The following KCNK2 variants were observed in gnomAD, a reference collection of about 807,000 sequenced individuals.
KCNK2 encodes the protein potassium two pore domain channel subfamily K member 2, also known as potassium channel subfamily K member 2.
In KCNK2, 21 loss-of-function variants were observed where a neutral mutation model predicts 40.5. The ratio of observed to expected loss-of-function variants is 0.52; its 90% CI spans 0.37 to 0.75. The LOEUF is 0.75. Among genes scored for constraint, KCNK2 ranks in the 30% least tolerant of loss-of-function variants. The pLI, the probability that KCNK2 is intolerant of heterozygous loss-of-function variation, is 0.00. For missense variants in KCNK2, 399 were observed against 531.6 expected (o/e 0.75, Z 2.45); for synonymous variants, 191 against 202.2 (o/e 0.94, Z 0.47).
chr1:215,090,017 G>T (rs1659625859), intron 2 of KCNK2, among the ~76,000 whole-genome samples: 1 of 151,854 alleles, frequency 6.6e-6, no homozygotes, highest in East Asian at 1.9e-4. Context: ...GTAGAGACGG[G>T]GTTTCTCCGT....
intron 3 of KCNK2, among the ~76,000 whole-genome samples, chr1:215,145,837 A>G (rs879900992): frequency 1.3e-5 from 2 of 152,128 alleles, no homozygotes; most frequent in Non-Finnish European, 2.9e-5. Flanking sequence ...AAGTTACTCA[A>G]ATTTTGTGCT....
intron 2 of KCNK2, among the ~76,000 whole-genome samples, chr1:215,103,803 G>C: frequency 6.6e-6 from 1 of 151,896 alleles, no homozygotes; most frequent in East Asian, 1.9e-4. Context: ...TCAAAACCTC[G>C]CAATCATATT....
intron 3 of KCNK2, among the ~76,000 whole-genome samples, chr1:215,164,731 G>A (rs1001869830): frequency 5.3e-5 from 8 of 152,114 alleles, no homozygotes; most frequent in African/African-American, 1.4e-4. Flanking sequence ...CACTTATCGT[G>A]TGCAGCATGT....
At chr1:215,018,141 A>G (rs1656658831) in intron 1 of KCNK2, among the ~76,000 whole-genome samples, 1 of 152,156 alleles carries the variant, frequency 6.6e-6, no homozygotes, top group Non-Finnish European at 1.5e-5. Context: ...AGCTATGTCC[A>G]ATATAAAGGT....
intron 1 of KCNK2, among the ~76,000 whole-genome samples, chr1:215,036,417 A>G (rs747787280): frequency 6.6e-6 from 1 of 151,884 alleles, no homozygotes; most frequent in African/African-American, 2.4e-5. Flanking sequence ...TTACATCAGC[A>G]TGGCCCCATC....
At chr1:215,012,221 A>G (rs1022337451) in intron 1 of KCNK2, among the ~76,000 whole-genome samples, 1 of 152,152 alleles carries the variant, frequency 6.6e-6, no homozygotes, top group Non-Finnish European at 1.5e-5. Flanking sequence ...ATAAGAAATT[A>G]CCAAACCGTT....
rs370741232 is a variant in KCNK2 at position 215,008,656 on chromosome 1, G to A, written c.34+2701G>A. On this transcript the variant is annotated intron_variant, in intron 1 of 6. Coordinates refer to the KCNK2 transcript ENST00000391895. ...TAAGCATGCGATAAGATGGTTAAAC[G>A]ACATGGGCTTTAGAGACCTTTCTAA... is the stretch of plus-strand genomic sequence containing the variant. 8.6e-4 allele frequency among the ~76,000 whole-genome samples: 131 copies of A among 152,212 alleles called. 4 individuals carry two copies. The South Asian group carries it at 0.026, about 30-fold the overall frequency.
chr1:215,054,666 T>C (rs1302814078), intron 1 of KCNK2, among the ~76,000 whole-genome samples: 1 of 152,114 alleles, frequency 6.6e-6, no homozygotes, highest in Non-Finnish European at 1.5e-5. Flanking sequence ...TATTTTTCTA[T>C]AAATAACAAG....
intron 6 of KCNK2, among the ~76,000 whole-genome samples, chr1:215,225,858 A>G (rs143886041): frequency 6.6e-6 from 1 of 152,302 alleles, no homozygotes; most frequent in East Asian, 1.9e-4. Flanking sequence ...AAGAAACAGA[A>G]CAATGGTCCT....
rs756928630 is a variant in KCNK2 at position 215,086,712 on chromosome 1, C to A, written c.357+34C>A. On this transcript the variant is annotated intron_variant, in intron 2 of 6. Coordinates refer to ENST00000444842, the MANE Select transcript of KCNK2 (RefSeq NM_001017425.3). ...ATGGGAGGAGTTGTTACTCTGTTCC[C>A]CCAAATGGGAAATAAAGTGATAGGA... 4.4e-6 allele frequency: 7 copies of A among 1,575,814 alleles called. No homozygotes were observed. In the East Asian group the frequency reaches 1.1e-4, roughly 25 times the overall value.
chr1:215,152,285 G>A (rs1662719133), intron 3 of KCNK2, among the ~76,000 whole-genome samples: 1 of 152,068 alleles, frequency 6.6e-6, no homozygotes, highest in South Asian at 2.1e-4. Flanking sequence ...GAGAAAATGA[G>A]ACATATGGCA....
At chr1:215,183,599 T>C (rs1197217232) in intron 5 of KCNK2, among the ~76,000 whole-genome samples, 1 of 152,188 alleles carries the variant, frequency 6.6e-6, no homozygotes, top group Non-Finnish European at 1.5e-5. Flanking sequence ...CTAACTCCAA[T>C]TTTAAGTAAA....
At chr1:215,058,988 C>A (rs1658261735) in intron 1 of KCNK2, among the ~76,000 whole-genome samples, 1 of 151,870 alleles carries the variant, frequency 6.6e-6, no homozygotes, top group Admixed American at 6.6e-5. Context: ...TACATGAGCT[C>A]TTCTCACTTG....
At chr1:215,143,484 G>A (rs1323144251) in intron 3 of KCNK2, among the ~76,000 whole-genome samples, 1 of 152,180 alleles carries the variant, frequency 6.6e-6, no homozygotes, top group Non-Finnish European at 1.5e-5. Flanking sequence ...CATGTGGTAT[G>A]TGCCAGGTTT....
Position 215,083,349 on chromosome 1 carries a change from G to A in KCNK2, c.-37G>A, listed in dbSNP as rs1224864433. On this transcript the variant is annotated 5_prime_UTR_variant, in exon 1 of 7. Transcript: ENST00000444842. The stretch of plus-strand genomic sequence containing the variant: ...GTTTGTAAAAAAAAGCTTCAAGTCC[G>A]TCTTTTTCAAAAAACATTTTGAATG... 3.7e-6 allele frequency: 6 copies of A among 1,614,066 alleles called. No individual in the cohort carries two copies. Among genetic ancestry groups the A allele is most frequent in the Middle Eastern group, 3.3e-4 (2 of 6,062 alleles).
intron 1 of KCNK2, among the ~76,000 whole-genome samples, chr1:215,012,894 G>T (rs10429947): frequency 6.6e-6 from 1 of 151,714 alleles, no homozygotes; most frequent in Non-Finnish European, 1.5e-5. Flanking sequence ...AACAATTGAT[G>T]AACTTTTTTC....
chr1:215,122,693 A>G (rs539251176), intron 2 of KCNK2, among the ~76,000 whole-genome samples: 38 of 151,932 alleles, frequency 2.5e-4, no homozygotes, highest in African/African-American at 8.4e-4. Context: ...CAACCTTCTA[A>G]GATACTTATT....
intron 1 of KCNK2, among the ~76,000 whole-genome samples, chr1:215,019,907 G>A (rs1452611): frequency 0.85 from 129,581 of 152,086 alleles, 55,491 homozygotes; most frequent in East Asian, 0.99. Context: ...AAAAATTTCA[G>A]GTTGTATTTT....
intron 2 of KCNK2, among the ~76,000 whole-genome samples, chr1:215,122,649 T>C (rs1458925771): frequency 6.6e-6 from 1 of 152,150 alleles, no homozygotes; most frequent in Non-Finnish European, 1.5e-5. Context: ...TGCTAAGCAT[T>C]TGTAAATTGT....
Sources: gnomAD v4.1 joint callset for allele counts (sites outside exome capture counted in the v4.1 genomes callset) on GRCh38, gnomAD v4.1.1 for gene constraint, MANE v1.5 for transcripts, NCBI Gene and HGNC (gene_info 2026-07-23, HGNC 2026-07-21) for gene names.